KIF13A: variants seen among roughly 807,000 people sequenced by gnomAD.
KIF13A encodes the protein kinesin family member 13A, also known as kinesin-like protein KIF13A.
Under a neutral mutation model 212.2 loss-of-function variants are expected in KIF13A, and 79 were observed. The ratio of observed to expected loss-of-function variants is 0.37; its 90% CI spans 0.31 to 0.45. The LOEUF (loss-of-function observed/expected upper bound fraction) is 0.45, where lower values mean the gene tolerates loss of function less well. KIF13A is among the 20% of genes least tolerant of loss of function. The pLI is 1.00. For synonymous variants in KIF13A, 789 were observed against 808.6 expected (o/e 0.98, Z 0.41); for missense variants, 1,901 against 2,209.0 (o/e 0.86, Z 2.79).
intron 2 of KIF13A, among the ~76,000 whole-genome samples, chr6:17,975,953 AGCTAGATACAGT>A (rs1780391353): frequency 7.0e-6 from 1 of 143,056 alleles, no homozygotes; most frequent in Admixed American, 6.7e-5. Context: ...CCACCAGAGT[AGCTAGATACAGT>A]GTCGATTGGT....
chr6:17,909,711 A>G (rs1773862835), intron 2 of KIF13A, among the ~76,000 whole-genome samples: 1 of 150,060 alleles, frequency 6.7e-6, no homozygotes, highest in African/African-American at 2.5e-5. Flanking sequence ...TCTGGCCAAC[A>G]TGGTGAACCC....
intron 2 of KIF13A, among the ~76,000 whole-genome samples, chr6:17,969,460 T>C (rs993687463): frequency 5.3e-5 from 8 of 152,208 alleles, no homozygotes; most frequent in Non-Finnish European, 1.0e-4. Flanking sequence ...AGGGGATTCA[T>C]AGACTGCCAA....
intron 13 of KIF13A, among the ~76,000 whole-genome samples, chr6:17,830,438 A>G (rs1009425898): frequency 6.7e-6 from 1 of 149,656 alleles, no homozygotes; most frequent in Admixed American, 6.7e-5. Flanking sequence ...GACACATGAA[A>G]GTTCTTTGGA....
chr6:17,908,534 A>G (rs1306025256), intron 2 of KIF13A, among the ~76,000 whole-genome samples: 1 of 152,060 alleles, frequency 6.6e-6, no homozygotes, highest in Admixed American at 6.6e-5. Context: ...AGCCCGGGAG[A>G]TTGAGGCTGC....
At chr6:17,824,545 G>A (rs1764770095) in intron 16 of KIF13A, among the ~76,000 whole-genome samples, 1 of 152,012 alleles carries the variant, frequency 6.6e-6, no homozygotes, top group Non-Finnish European at 1.5e-5. Flanking sequence ...GGATCACGAG[G>A]TCGGGAGATT....
At chr6:17,873,205 A>G (rs572228986) in intron 4 of KIF13A, 172 bp downstream of exon 4, 13 of 535,522 alleles carry the variant, frequency 2.4e-5, no homozygotes, top group Non-Finnish European at 4.3e-5. Flanking sequence ...TAAGTGGCAG[A>G]CCCAGATTCT....
chr6:17,978,461 T>C (rs1023036171), intron 2 of KIF13A, among the ~76,000 whole-genome samples: 3 of 152,238 alleles, frequency 2.0e-5, no homozygotes, highest in African/African-American at 7.2e-5. Flanking sequence ...AATTTTAGCA[T>C]TTCCATTACA....
intron 7 of KIF13A, among the ~76,000 whole-genome samples, chr6:17,851,683 A>G (rs1490515307): frequency 6.6e-6 from 1 of 152,218 alleles, no homozygotes; most frequent in Non-Finnish European, 1.5e-5. Flanking sequence ...CATTGGGAGA[A>G]CAGTTTTAAC....
intron 4 of KIF13A, among the ~76,000 whole-genome samples, chr6:17,862,010 G>A (rs1002722094): frequency 2.6e-5 from 4 of 151,920 alleles, no homozygotes; most frequent in African/African-American, 7.3e-5. Context: ...TTTTATTTTT[G>A]TTATTATTTA....
chr6:17,872,913 G>T lies in KIF13A; in HGVS notation c.220+464C>A, dbSNP rs1364996395. ...GGCCTCCCAAAGTGCTGGGATTACAGATGTGAGCCACCATGCCCGGACGAA... is the reference window on the plus strand; with the variant it reads ...GGCCTCCCAAAGTGCTGGGATTACATATGTGAGCCACCATGCCCGGACGAA... On this transcript the variant is annotated intron_variant, in intron 4 of 38. Transcript: ENST00000259711. The surrounding 1 kb of genome is among the most constrained non-coding windows in gnomAD (Gnocchi z 4.7). 6.6e-6 allele frequency among the ~76,000 whole-genome samples: 1 copy of T among 152,162 alleles called. No individual in the cohort carries two copies. Among genetic ancestry groups the T allele is most frequent in the Non-Finnish European group, 1.5e-5 (1 of 68,040 alleles).
intron 23 of KIF13A, chr6:17,795,159 T>C (rs570805293): frequency 6.4e-6 from 1 of 156,224 alleles, no homozygotes; most frequent in East Asian, 1.9e-4. Flanking sequence ...CATATGGATA[T>C]AAACAGTTTT....
At chr6:17,948,290 T>C (rs1371468164) in intron 2 of KIF13A, among the ~76,000 whole-genome samples, 1 of 152,190 alleles carries the variant, frequency 6.6e-6, no homozygotes, top group East Asian at 1.9e-4. Context: ...CACTGAGTAG[T>C]CGAGTGGTTT....
At chr6:17,884,515 T>C (rs981642778) in intron 3 of KIF13A, among the ~76,000 whole-genome samples, 1 of 151,940 alleles carries the variant, frequency 6.6e-6, no homozygotes, top group African/African-American at 2.4e-5. Context: ...GTACTCAGTA[T>C]TTGCTGAATT....
rs1187731216 is a variant in KIF13A at position 17,799,371 on chromosome 6, GAATGTGTATTGA to G, written c.2673_2684del (p.Gln892_Phe895del). ...CCACCGTAGACTCACACTGGTCCCA[GAATGTGTATTGA>G]CAGAAGACAAAATTTGAGAGGTTTA... On this transcript the variant is annotated inframe_deletion, in exon 22 of 39. Transcript: ENST00000259711. The surrounding 1 kb of genome is among the most constrained non-coding windows in gnomAD (Gnocchi z 4.4). 6.2e-7 allele frequency: 1 copy of G among 1,611,494 alleles called. No individual in the cohort carries two copies. The highest frequency in any genetic ancestry group is 8.5e-7 in the Non-Finnish European group (1 of 1,178,622).
intron 2 of KIF13A, among the ~76,000 whole-genome samples, chr6:17,965,320 T>C (rs760716469): frequency 6.6e-6 from 1 of 152,288 alleles, no homozygotes; most frequent in African/African-American, 2.4e-5. Context: ...CATACAACCA[T>C]CTAGCCATAC....
At chr6:17,765,829 C>T (rs981225514) in intron 38 of KIF13A, among the ~76,000 whole-genome samples, 2 of 152,194 alleles carry the variant, frequency 1.3e-5, no homozygotes, top group Non-Finnish European at 2.9e-5. Flanking sequence ...TCTAATTAAT[C>T]TCAGAAGCAC....
chr6:17,911,856 C>G (rs1774095063), intron 2 of KIF13A, among the ~76,000 whole-genome samples: 1 of 151,866 alleles, frequency 6.6e-6, no homozygotes. Flanking sequence ...CCTCCACCTC[C>G]CGGGTTCAAG....
intron 9 of KIF13A, among the ~76,000 whole-genome samples, chr6:17,841,357 G>A (rs1459141866): frequency 6.6e-6 from 1 of 152,114 alleles, no homozygotes; most frequent in Non-Finnish European, 1.5e-5. Context: ...GAGCCACCAT[G>A]CCCAGTCGTA....
intron 19 of KIF13A, among the ~76,000 whole-genome samples, chr6:17,804,969 C>T (rs1045655242): frequency 6.6e-6 from 1 of 151,970 alleles, no homozygotes; most frequent in Non-Finnish European, 1.5e-5. Flanking sequence ...ATTTCATCCC[C>T]TTTGTTTTGC....
Sources: gnomAD v4.1 joint callset for allele counts (sites outside exome capture counted in the v4.1 genomes callset) on GRCh38, gnomAD v4.1.1 for gene constraint, Gnocchi (gnomAD v3.1) non-coding constraint, MANE v1.5 for transcripts, NCBI Gene and HGNC (gene_info 2026-07-23, HGNC 2026-07-21) for gene names.